The following ATOSA variants were observed in gnomAD, a reference collection of about 807,000 sequenced individuals.
ATOSA encodes the protein atos homolog A.
chr15:52,636,151 T>C, the ATOSA span, among the ~76,000 whole-genome samples: 1 of 146,630 alleles, frequency 6.8e-6, no homozygotes, highest in African/African-American at 2.5e-5. Flanking sequence ...AATAAATGTA[T>C]AAATAATAAA....
chr15:52,625,909 A>G, the ATOSA span, among the ~76,000 whole-genome samples: 2 of 152,170 alleles, frequency 1.3e-5, no homozygotes, highest in African/African-American at 2.4e-5. Flanking sequence ...GCTACTTGCT[A>G]GTTGTTTGGA....
chr15:52,697,167 G>A, the ATOSA span, among the ~76,000 whole-genome samples: 1 of 152,086 alleles, frequency 6.6e-6, no homozygotes, highest in African/African-American at 2.4e-5. Context: ...GACCCCTGCT[G>A]CTCCTCGGCT....
At chr15:52,582,085 C>A in the ATOSA span, 2 of 1,295,258 alleles carry the variant, frequency 1.5e-6, no homozygotes, top group African/African-American at 3.1e-5. Context: ...ATTTGGTACA[C>A]TCCATTCTAT....
the ATOSA span, among the ~76,000 whole-genome samples, chr15:52,670,435 G>T: frequency 6.6e-6 from 1 of 152,158 alleles, no homozygotes; most frequent in African/African-American, 2.4e-5. Context: ...TTTTTTCAAG[G>T]TAATTTGGCT....
the ATOSA span, chr15:52,678,428 A>C: frequency 4.8e-5 from 9 of 188,250 alleles, no homozygotes; most frequent in Non-Finnish European, 7.7e-5. Context: ...ACACAAACTA[A>C]CCCCTTCGTA....
At chr15:52,665,655 A>G in the ATOSA span, among the ~76,000 whole-genome samples, 2 of 152,342 alleles carry the variant, frequency 1.3e-5, no homozygotes, top group Middle Eastern at 6.8e-3. Flanking sequence ...TCTGGAAAAG[A>G]TAAGGAAATA....
At chr15:52,584,871 T>C in the ATOSA span, 1 of 1,613,516 alleles carries the variant, frequency 6.2e-7, no homozygotes, top group Admixed American at 1.7e-5. Flanking sequence ...TGTCTGATGA[T>C]TGGCTGGCAT....
chr15:52,652,020 T>C, the ATOSA span: 1 of 1,510,878 alleles, frequency 6.6e-7, no homozygotes, highest in South Asian at 1.3e-5. Flanking sequence ...CGTTGGGTGC[T>C]GATCCCGCTT....
the ATOSA span, among the ~76,000 whole-genome samples, chr15:52,674,064 G>A: frequency 3.5e-4 from 54 of 152,308 alleles, no homozygotes; most frequent in African/African-American, 1.3e-3. Flanking sequence ...AATTAAAACA[G>A]TAGATTTAAA....
the ATOSA span, among the ~76,000 whole-genome samples, chr15:52,682,994 T>C: frequency 6.6e-6 from 1 of 152,166 alleles, no homozygotes; most frequent in Admixed American, 6.5e-5. Context: ...AAACCACAGG[T>C]ATAAGGAAGT....
At chr15:52,703,696 G>A in the ATOSA span, among the ~76,000 whole-genome samples, 1 of 151,366 alleles carries the variant, frequency 6.6e-6, no homozygotes, top group Non-Finnish European at 1.5e-5. Context: ...CTGTTAGGGG[G>A]TGGGGGGCTA....
At chr15:52,599,688 T>C in the ATOSA span, among the ~76,000 whole-genome samples, 1 of 152,192 alleles carries the variant, frequency 6.6e-6, no homozygotes, top group Non-Finnish European at 1.5e-5. Flanking sequence ...AATAACCTTG[T>C]TACTTTAGAA....
chr15:52,592,739 C>A, the ATOSA span, among the ~76,000 whole-genome samples: 1 of 152,204 alleles, frequency 6.6e-6, no homozygotes, highest in Non-Finnish European at 1.5e-5. Context: ...ACATTCAAAG[C>A]CTTCCTGGGT....
chr15:52,668,345 TA>T, the ATOSA span, among the ~76,000 whole-genome samples: 1 of 151,852 alleles, frequency 6.6e-6, no homozygotes, highest in East Asian at 1.9e-4. Context: ...TGTGGAATCT[TA>T]AAAAAAAGCT....
At chr15:52,582,673 T>A in the ATOSA span, among the ~76,000 whole-genome samples, 1 of 152,202 alleles carries the variant, frequency 6.6e-6, no homozygotes, top group Admixed American at 6.5e-5. Context: ...AACATTACAT[T>A]TGGGCTCTGT....
chr15:52,700,658 T>G, the ATOSA span, among the ~76,000 whole-genome samples: 1 of 152,218 alleles, frequency 6.6e-6, no homozygotes, highest in African/African-American at 2.4e-5. Flanking sequence ...CAGACCAAGA[T>G]GTCTGTAATT....
At chr15:52,659,619 C>T in the ATOSA span, among the ~76,000 whole-genome samples, 1 of 152,184 alleles carries the variant, frequency 6.6e-6, no homozygotes, top group African/African-American at 2.4e-5. Context: ...ATGCAATATC[C>T]TACAAAACAC....
chr15:52,669,355 T>C, the ATOSA span, among the ~76,000 whole-genome samples: 2 of 152,214 alleles, frequency 1.3e-5, no homozygotes, highest in African/African-American at 2.4e-5. Flanking sequence ...AAATATGATA[T>C]AGACCTTTAA....
the ATOSA span, among the ~76,000 whole-genome samples, chr15:52,599,873 T>A: frequency 6.6e-6 from 1 of 152,198 alleles, no homozygotes; most frequent in African/African-American, 2.4e-5. Context: ...CCGGCTTAAG[T>A]AACAGATTCC....
Sources: allele counts gnomAD v4.1 joint callset (sites outside exome capture counted in the v4.1 genomes callset), GRCh38; gene constraint gnomAD v4.1.1; transcripts MANE v1.5; gene names NCBI Gene and HGNC (gene_info 2026-07-23, HGNC 2026-07-21).